XRCC5: variants seen among roughly 807,000 people sequenced by gnomAD.
XRCC5 encodes X-ray repair cross complementing 5, also known as DNA repair protein Ku80.
A neutral mutation model predicts 95.7 loss-of-function variants in XRCC5; 12 were observed. The observed-to-expected ratio is 0.13, with a 90% CI of 0.08 to 0.20. XRCC5 has a LOEUF of 0.20. Among genes scored for constraint, XRCC5 ranks in the 10% least tolerant of loss-of-function variants. XRCC5 has a pLI of 1.00. For missense variants in XRCC5, 595 were observed against 873.9 expected, an observed-to-expected ratio of 0.68 and a Z score of 4.02; for synonymous variants, 281 against 290.3, an observed-to-expected ratio of 0.97 and a Z score of 0.33.
intron 4 of XRCC5, among the ~76,000 whole-genome samples, chr2:216,118,738 C>A (rs971063815): frequency 1.3e-5 from 2 of 152,116 alleles, no homozygotes; most frequent in African/African-American, 4.8e-5. Context: ...TGGGAGAATT[C>A]TTTGTTTACA....
intron 9 of XRCC5, among the ~76,000 whole-genome samples, chr2:216,131,436 G>C (rs1398550163): frequency 1.3e-5 from 2 of 152,148 alleles, no homozygotes; most frequent in Non-Finnish European, 2.9e-5. Flanking sequence ...AGATTTCATA[G>C]ATCAGACAAA....
intron 16 of XRCC5, among the ~76,000 whole-genome samples, chr2:216,170,651 A>G (rs1328361855): frequency 6.6e-6 from 1 of 152,170 alleles, no homozygotes; most frequent in Non-Finnish European, 1.5e-5. Flanking sequence ...AATCCAAACC[A>G]TATCATTTCA....
At chr2:216,163,567 G>GAGCCACGGTGGCATGAGCCACGGTGGCA (rs1553575111) in intron 16 of XRCC5, among the ~76,000 whole-genome samples, 59 of 151,740 alleles carry the variant, frequency 3.9e-4, no homozygotes, top group South Asian at 3.1e-3. Flanking sequence ...TGGGATTACT[G>GAGCCACGGTGGCATGAGCCACGGTGGCA]TGAGCCACGG....
intron 1 of XRCC5, among the ~76,000 whole-genome samples, chr2:216,112,732 C>A (rs1018948118): frequency 5.9e-5 from 9 of 152,226 alleles, no homozygotes; most frequent in African/African-American, 2.2e-4. Context: ...ATGTACTCAT[C>A]ATGGGTTTAT....
intron 1 of XRCC5, among the ~76,000 whole-genome samples, chr2:216,112,811 G>C (rs1696612369): frequency 6.6e-6 from 1 of 152,228 alleles, no homozygotes. Flanking sequence ...AACTTCTGTA[G>C]CTTTTAGAAA....
chr2:216,188,646 G>A (rs906129374), intron 16 of XRCC5, among the ~76,000 whole-genome samples: 2 of 152,112 alleles, frequency 1.3e-5, no homozygotes, highest in Non-Finnish European at 1.5e-5. Flanking sequence ...AAAGTACACC[G>A]CTTTCTGTTA....
chr2:216,188,389 T>C (rs554850019), intron 16 of XRCC5, among the ~76,000 whole-genome samples: 1 of 152,388 alleles, frequency 6.6e-6, no homozygotes, highest in South Asian at 2.1e-4. Context: ...GGCAAGGGCC[T>C]TGTCTTCAAC....
intron 19 of XRCC5, among the ~76,000 whole-genome samples, chr2:216,199,834 T>A (rs528145738): frequency 2.8e-5 from 4 of 140,816 alleles, no homozygotes; most frequent in African/African-American, 5.5e-5. Flanking sequence ...TTTTTTTTTT[T>A]ACCAGATTCC....
intron 9 of XRCC5, 144 bp from the exon 10 acceptor site, chr2:216,132,176 TATTGA>T (rs1452662358): frequency 7.4e-6 from 5 of 673,006 alleles, no homozygotes; most frequent in East Asian, 2.7e-5. Context: ...TGTTGTGTTG[TATTGA>T]ATTAAACTTC....
chr2:216,162,915 A>G (rs1008366013), intron 16 of XRCC5, among the ~76,000 whole-genome samples: 1 of 152,186 alleles, frequency 6.6e-6, no homozygotes, highest in African/African-American at 2.4e-5. Context: ...TGGAACTAAC[A>G]TTCATTCACT....
intron 16 of XRCC5, among the ~76,000 whole-genome samples, chr2:216,168,753 G>A (rs1307504332): frequency 1.3e-5 from 2 of 152,154 alleles, no homozygotes; most frequent in African/African-American, 4.8e-5. Context: ...TTCTTATAAA[G>A]GGTTACAGCT....
chr2:216,118,155 T>A (rs1696736132), intron 4 of XRCC5, among the ~76,000 whole-genome samples: 1 of 151,736 alleles, frequency 6.6e-6, no homozygotes, highest in African/African-American at 2.4e-5. Flanking sequence ...TTTTTTGTTG[T>A]GTGTGTGTAT....
intron 9 of XRCC5, 88 bp downstream of exon 9, chr2:216,131,075 T>G: frequency 7.0e-7 from 1 of 1,427,286 alleles, no homozygotes; most frequent in South Asian, 1.3e-5. Flanking sequence ...TTATAAGGTA[T>G]ATTTATTTCA....
chr2:216,144,286 T>C (rs906386029), intron 13 of XRCC5, among the ~76,000 whole-genome samples: 2 of 152,122 alleles, frequency 1.3e-5, no homozygotes, highest in African/African-American at 4.8e-5. Context: ...GTGGATCCCT[T>C]TGGCTGCAGA....
chr2:216,149,895 C>G (rs1259795320), intron 14 of XRCC5, among the ~76,000 whole-genome samples: 4 of 152,166 alleles, frequency 2.6e-5, no homozygotes, highest in Non-Finnish European at 5.9e-5. Context: ...TTGCAGGGGC[C>G]TGAGAAGTAT....
At chr2:216,112,159 T>A (rs1346316850) in intron 1 of XRCC5, among the ~76,000 whole-genome samples, 1 of 152,258 alleles carries the variant, frequency 6.6e-6, no homozygotes, top group Non-Finnish European at 1.5e-5. Context: ...TTACATGTAT[T>A]CCTTTTAGGT....
At chr2:216,198,302 G>A (rs563312095) in intron 19 of XRCC5, among the ~76,000 whole-genome samples, 2 of 106,518 alleles carry the variant, frequency 1.9e-5, no homozygotes, top group Non-Finnish European at 3.5e-5. Context: ...CTAGAGCCAG[G>A]TGGTGGTTAG....
chr2:216,194,665 A>G (rs55642470), intron 18 of XRCC5, among the ~76,000 whole-genome samples: 2,150 of 152,300 alleles, frequency 0.014, 48 homozygotes, highest in African/African-American at 0.049. Context: ...GAGCACCTTT[A>G]TAGTTTTAAA....
chr2:216,126,907 CTT>C (rs532007858), intron 7 of XRCC5, among the ~76,000 whole-genome samples: 1 of 144,862 alleles, frequency 6.9e-6, no homozygotes. Context: ...TATATTGCTT[CTT>C]TTTTTTTTTT....
Sources: allele counts gnomAD v4.1 joint callset (sites outside exome capture counted in the v4.1 genomes callset), GRCh38; gene constraint gnomAD v4.1.1; transcripts MANE v1.5; gene names NCBI Gene and HGNC (gene_info 2026-07-23, HGNC 2026-07-21).